The following HMGCLL1 variants were observed in gnomAD, a reference collection of about 807,000 sequenced individuals.
HMGCLL1 encodes the protein 3-hydroxy-3-methylglutaryl-CoA lyase like 1, also known as 3-hydroxymethyl-3-methylglutaryl-CoA lyase, cytoplasmic.
HMGCLL1 carries 36 observed loss-of-function variants against 39.1 expected under a neutral mutation model. The observed-to-expected ratio is 0.92, with a 90% CI of 0.71 to 1.22. The LOEUF (loss-of-function observed/expected upper bound fraction) is 1.22, where lower values mean the gene tolerates loss of function less well. Among genes scored for constraint, HMGCLL1 ranks in the 50% most tolerant of loss-of-function variants. The pLI is 0.00. For missense variants in HMGCLL1, 451 were observed against 416.5 expected, an observed-to-expected ratio of 1.08 and a Z score of -0.72; for synonymous variants, 149 against 144.0, an observed-to-expected ratio of 1.03 and a Z score of -0.25.
intron 7 of HMGCLL1, among the ~76,000 whole-genome samples, chr6:55,451,384 A>G (rs12206196): frequency 0.14 from 22,010 of 152,070 alleles, 1,817 homozygotes; most frequent in Non-Finnish European, 0.19. Flanking sequence ...GCACTTTGGG[A>G]GACTGAGGCG....
chr6:55,456,477 C>A (rs1455985770), intron 7 of HMGCLL1, among the ~76,000 whole-genome samples: 1 of 152,080 alleles, frequency 6.6e-6, no homozygotes, highest in Non-Finnish European at 1.5e-5. Flanking sequence ...AGATTAATGT[C>A]CAAGGAAGAA....
intron 1 of HMGCLL1, among the ~76,000 whole-genome samples, chr6:55,558,390 T>C (rs1770776465): frequency 6.6e-6 from 1 of 152,236 alleles, no homozygotes; most frequent in South Asian, 2.1e-4. Context: ...TATACCTGTT[T>C]TCAGAGGGTA....
At chr6:55,638,802 T>C in the HMGCLL1 span, among the ~76,000 whole-genome samples, 3 of 151,948 alleles carry the variant, frequency 2.0e-5, no homozygotes, top group Non-Finnish European at 4.4e-5. Flanking sequence ...ATATATACAG[T>C]AAAAGAGATA....
At chr6:55,563,119 A>C (rs144410707) in intron 1 of HMGCLL1, among the ~76,000 whole-genome samples, 3,009 of 152,212 alleles carry the variant, frequency 0.02, 49 homozygotes, top group South Asian at 0.095. Flanking sequence ...ATATAAAAAC[A>C]TATTTACAAG....
chr6:55,475,026 T>C (rs1228204961), intron 7 of HMGCLL1, among the ~76,000 whole-genome samples: 1 of 151,548 alleles, frequency 6.6e-6, no homozygotes, highest in Admixed American at 6.6e-5. Flanking sequence ...GTGATTAAAT[T>C]TCAGACTTGT....
At chr6:55,509,397 G>A (rs896429076) in intron 5 of HMGCLL1, among the ~76,000 whole-genome samples, 16 of 151,902 alleles carry the variant, frequency 1.1e-4, no homozygotes, top group African/African-American at 3.6e-4. Context: ...CCTAAATAAG[G>A]AGACTCATTA....
At chr6:55,534,139 A>T (rs1465058967) in intron 3 of HMGCLL1, among the ~76,000 whole-genome samples, 3 of 152,164 alleles carry the variant, frequency 2.0e-5, no homozygotes, top group African/African-American at 7.2e-5. Flanking sequence ...TAGCCATGAC[A>T]GTACTAAAAT....
chr6:55,480,379 C>T (rs1402521554), intron 7 of HMGCLL1, among the ~76,000 whole-genome samples: 1 of 151,582 alleles, frequency 6.6e-6, no homozygotes, highest in East Asian at 1.9e-4. Context: ...AGGTTCTCAA[C>T]ATAACTGATC....
At chr6:55,618,547 G>T in the HMGCLL1 span, among the ~76,000 whole-genome samples, 1 of 152,088 alleles carries the variant, frequency 6.6e-6, no homozygotes, top group East Asian at 1.9e-4. Context: ...TTAGGAACAT[G>T]AATTTCCATA....
the HMGCLL1 span, among the ~76,000 whole-genome samples, chr6:55,615,245 C>T: frequency 6.6e-6 from 1 of 151,852 alleles, no homozygotes; most frequent in African/African-American, 2.4e-5. Flanking sequence ...AAAAATTATG[C>T]TATGATTAAA....
At chr6:55,628,188 A>AAATATAGTATATATAC in the HMGCLL1 span, among the ~76,000 whole-genome samples, 3 of 83,900 alleles carry the variant, frequency 3.6e-5, no homozygotes, top group African/African-American at 1.4e-4. Context: ...TATATATAAT[A>AAATATAGTATATATAC]TATATATATA....
At chr6:55,522,397 CAGTT>C (rs1397310994) in intron 3 of HMGCLL1, among the ~76,000 whole-genome samples, 22 of 151,970 alleles carry the variant, frequency 1.4e-4, no homozygotes, top group Non-Finnish European at 7.4e-5. Context: ...TTCAAAATGA[CAGTT>C]AGAGAAAATA....
intron 5 of HMGCLL1, chr6:55,512,167 C>T (rs957629102): frequency 6.6e-6 from 1 of 152,062 alleles, no homozygotes; most frequent in African/African-American, 2.4e-5. Flanking sequence ...CTTCCTACAA[C>T]TTATATTTGC....
At chr6:55,516,330 T>TA (rs1767733339) in intron 4 of HMGCLL1, among the ~76,000 whole-genome samples, 178 bp downstream of exon 4, 3 of 152,192 alleles carry the variant, frequency 2.0e-5, no homozygotes, top group Non-Finnish European at 4.4e-5. Context: ...GCCAGGTATA[T>TA]AGACCACTTT....
At chr6:55,618,374 T>A in the HMGCLL1 span, among the ~76,000 whole-genome samples, 6 of 151,186 alleles carry the variant, frequency 4.0e-5, no homozygotes, top group African/African-American at 1.5e-4. Context: ...TGGTGGCCTA[T>A]AGAGCAAATC....
chr6:55,444,094 A>G (rs942474486), intron 7 of HMGCLL1, among the ~76,000 whole-genome samples: 1 of 152,116 alleles, frequency 6.6e-6, no homozygotes, highest in South Asian at 2.1e-4. Flanking sequence ...TATAATTTGT[A>G]CACATTTCCA....
At chr6:55,588,406 T>G in the HMGCLL1 span, among the ~76,000 whole-genome samples, 2 of 144,932 alleles carry the variant, frequency 1.4e-5, no homozygotes, top group African/African-American at 2.6e-5. Flanking sequence ...TTTAAAACAG[T>G]GTATAGAGGG....
intron 3 of HMGCLL1, among the ~76,000 whole-genome samples, chr6:55,528,641 G>GT (rs5876457): frequency 1.3e-3 from 191 of 149,214 alleles, no homozygotes; most frequent in African/African-American, 2.6e-3. Flanking sequence ...TGAACATCCA[G>GT]TTTTTTTTTT....
the HMGCLL1 span, among the ~76,000 whole-genome samples, chr6:55,588,684 G>A: frequency 7.9e-5 from 12 of 152,054 alleles, no homozygotes; most frequent in East Asian, 2.1e-3. Flanking sequence ...AGAAAAGAGA[G>A]AAGAATCAAA....
Sources: gnomAD v4.1 joint callset for allele counts (sites outside exome capture counted in the v4.1 genomes callset) on GRCh38, gnomAD v4.1.1 for gene constraint, MANE v1.5 for transcripts, NCBI Gene and HGNC (gene_info 2026-07-23, HGNC 2026-07-21) for gene names.